PPP2R3A: variants seen among roughly 807,000 people sequenced by gnomAD.
PPP2R3A encodes the protein serine/threonine-protein phosphatase 2A regulatory subunit B'' subunit alpha.
Under a neutral mutation model 106.9 loss-of-function variants are expected in PPP2R3A, and 80 were observed. That is an observed-to-expected ratio of 0.75 (90% CI 0.62 to 0.90). The LOEUF (loss-of-function observed/expected upper bound fraction) is 0.90. Among genes scored for constraint, PPP2R3A ranks in the 40% least tolerant of loss-of-function variants. PPP2R3A has a pLI of 0.00. For missense variants in PPP2R3A, 1,386 were observed against 1,350.4 expected (o/e 1.03, Z -0.41); for synonymous variants, 483 against 468.3 (o/e 1.03, Z -0.41).
chr3:135,978,386 GAA>G (rs1017804551), intron 1 of PPP2R3A, among the ~76,000 whole-genome samples: 12 of 151,712 alleles, frequency 7.9e-5, no homozygotes, highest in African/African-American at 2.9e-4. Flanking sequence ...ATTGTCAATT[GAA>G]AGACCCAATG....
At chr3:136,139,186 T>TCAAA (rs1024354562) in intron 13 of PPP2R3A, among the ~76,000 whole-genome samples, 1 of 152,156 alleles carries the variant, frequency 6.6e-6, no homozygotes, top group Non-Finnish European at 1.5e-5. Flanking sequence ...CAATCCTTTG[T>TCAAA]CAAACAATTT....
chr3:136,069,836 C>A (rs973379923), intron 5 of PPP2R3A, among the ~76,000 whole-genome samples: 4 of 152,078 alleles, frequency 2.6e-5, no homozygotes, highest in Admixed American at 6.6e-5. Flanking sequence ...CTTTAAAAAT[C>A]TAATTAGAAA....
intron 5 of PPP2R3A, among the ~76,000 whole-genome samples, chr3:136,053,502 C>A (rs1409567725): frequency 6.6e-6 from 1 of 152,168 alleles, no homozygotes; most frequent in Non-Finnish European, 1.5e-5. Context: ...TCAGGACTGA[C>A]TGACCCAATG....
chr3:136,127,578 G>A (rs1485375590), intron 13 of PPP2R3A, among the ~76,000 whole-genome samples: 2 of 152,154 alleles, frequency 1.3e-5, no homozygotes, highest in Non-Finnish European at 2.9e-5. Context: ...AACCAAGTTG[G>A]AAAACACTCT....
chr3:136,011,974 TACAC>T (rs961223158), intron 2 of PPP2R3A, among the ~76,000 whole-genome samples: 9 of 136,624 alleles, frequency 6.6e-5, no homozygotes, highest in South Asian at 2.3e-4. Flanking sequence ...TGAGAAATCA[TACAC>T]ACACACACAC....
At chr3:136,003,675 G>GAA (rs544073971) in intron 2 of PPP2R3A, among the ~76,000 whole-genome samples, 182 bp downstream of exon 2, 2 of 144,130 alleles carry the variant, frequency 1.4e-5, no homozygotes, top group East Asian at 4.0e-4. Context: ...GATGATAGAG[G>GAA]AAAAAAAAAA....
At chr3:136,141,398 C>CAA (rs1416137022) in intron 13 of PPP2R3A, among the ~76,000 whole-genome samples, 1 of 152,102 alleles carries the variant, frequency 6.6e-6, no homozygotes, top group African/African-American at 2.4e-5. Flanking sequence ...GATGTGGTTA[C>CAA]AAAGTCTAGC....
chr3:136,065,310 T>C (rs575813433), intron 5 of PPP2R3A, among the ~76,000 whole-genome samples: 18 of 152,224 alleles, frequency 1.2e-4, no homozygotes, highest in African/African-American at 3.4e-4. Context: ...TGTTTAGTTA[T>C]AGAGATAACC....
chr3:136,117,953 T>G (rs1395221181), intron 13 of PPP2R3A, among the ~76,000 whole-genome samples: 1 of 152,162 alleles, frequency 6.6e-6, no homozygotes, highest in African/African-American at 2.4e-5. Flanking sequence ...GTATTCCTGA[T>G]GAACATCGAT....
intron 8 of PPP2R3A, among the ~76,000 whole-genome samples, chr3:136,084,583 G>A (rs908504174): frequency 7.2e-5 from 11 of 152,182 alleles, no homozygotes; most frequent in African/African-American, 2.7e-4. Flanking sequence ...CAATGCTCCA[G>A]GCCCCAGAAT....
intron 3 of PPP2R3A, among the ~76,000 whole-genome samples, chr3:136,036,528 G>A (rs1038785543): frequency 6.6e-6 from 1 of 152,154 alleles, no homozygotes. Flanking sequence ...GCTCTGGACT[G>A]CTACTGGGGG....
At chr3:136,067,247 A>G (rs547511109) in intron 5 of PPP2R3A, among the ~76,000 whole-genome samples, 32 of 152,334 alleles carry the variant, frequency 2.1e-4, no homozygotes, top group African/African-American at 7.5e-4. Context: ...AAATCAATAG[A>G]TTTGCCACTT....
chr3:136,135,898 C>T (rs1040638464), intron 13 of PPP2R3A, among the ~76,000 whole-genome samples: 2 of 151,300 alleles, frequency 1.3e-5, no homozygotes, highest in African/African-American at 2.4e-5. Context: ...GTTAGCTGGG[C>T]GTGGTGATGT....
chr3:136,032,859 C>T (rs1576449417), intron 3 of PPP2R3A, among the ~76,000 whole-genome samples: 1 of 152,116 alleles, frequency 6.6e-6, no homozygotes, highest in African/African-American at 2.4e-5. Flanking sequence ...GATTTGGGTG[C>T]CCTTTATTTC....
chr3:136,062,931 G>A (rs1052172329), intron 5 of PPP2R3A, among the ~76,000 whole-genome samples: 3 of 152,118 alleles, frequency 2.0e-5, no homozygotes, highest in Non-Finnish European at 2.9e-5. Flanking sequence ...TTTAAAGTTC[G>A]TATGGAACCA....
intron 13 of PPP2R3A, among the ~76,000 whole-genome samples, chr3:136,123,797 A>G (rs1938084633): frequency 6.6e-6 from 1 of 152,228 alleles, no homozygotes; most frequent in African/African-American, 2.4e-5. Context: ...TAAGTCAACA[A>G]TTACAGTTGG....
chr3:136,021,239 A>G (rs1934454546), intron 2 of PPP2R3A, among the ~76,000 whole-genome samples: 1 of 152,110 alleles, frequency 6.6e-6, no homozygotes, highest in Non-Finnish European at 1.5e-5. Flanking sequence ...AAAATATGGG[A>G]AAGCTACCCA....
intron 1 of PPP2R3A, among the ~76,000 whole-genome samples, chr3:135,993,018 C>T (rs1381829218): frequency 6.6e-6 from 1 of 151,928 alleles, no homozygotes; most frequent in Non-Finnish European, 1.5e-5. Context: ...ATCCATATGA[C>T]CTTAGGATAG....
chr3:135,987,502 A>C (rs1275529422), intron 1 of PPP2R3A, among the ~76,000 whole-genome samples: 3 of 152,130 alleles, frequency 2.0e-5, no homozygotes, highest in African/African-American at 7.2e-5. Flanking sequence ...ACAGTAACCC[A>C]TTGCTCTGGA....
Sources: gnomAD v4.1 joint callset for allele counts (sites outside exome capture counted in the v4.1 genomes callset) on GRCh38, gnomAD v4.1.1 for gene constraint, MANE v1.5 for transcripts, NCBI Gene and HGNC (gene_info 2026-07-23, HGNC 2026-07-21) for gene names.